The following GPR176 variants were observed in gnomAD, a reference collection of about 807,000 sequenced individuals.
GPR176 encodes G-protein coupled receptor 176.
GPR176 carries 26 observed loss-of-function variants against 35.4 expected under a neutral mutation model. The observed-to-expected ratio is 0.74, with a 90% CI of 0.54 to 1.02. The LOEUF is 1.02. Among genes scored for constraint, GPR176 ranks in the 50% least tolerant of loss-of-function variants. The pLI is 0.00. For synonymous variants in GPR176, 278 were observed against 271.3 expected (o/e 1.02, Z -0.24); for missense variants, 597 against 665.3 (o/e 0.90, Z 1.13).
At chr15:39,833,063 G>C (rs542278418) in intron 1 of GPR176, among the ~76,000 whole-genome samples, 1 of 152,254 alleles carries the variant, frequency 6.6e-6, no homozygotes, top group South Asian at 2.1e-4. Flanking sequence ...TGGGTTCCAA[G>C]GACTAGGGAA....
chr15:39,801,375 T>C lies in GPR176; in HGVS notation c.1305A>G (p.Ala435=), dbSNP rs766266099. 6.8e-6 allele frequency: 11 copies of C among 1,614,174 alleles called. No individual in the cohort carries two copies. The highest frequency in any genetic ancestry group is 9.3e-6 in the Non-Finnish European group (11 of 1,180,014). The change falls in exon 3 of 3, where the codon GCA becomes GCG. Residue 435 remains alanine, a synonymous_variant. Coordinates refer to ENST00000561100, the MANE Select transcript of GPR176 (RefSeq NM_007223.3). ...LSTVDSVSQV[A]PAAPVEPETF... is the part of the protein sequence containing the mutation. ...TTTCAGGTTCCACAGGGGCTGCCGG[T>C]GCCACCTGGGATACAGAGTCCACTG...
At chr15:39,861,461 A>G (rs1201655042) in intron 1 of GPR176, among the ~76,000 whole-genome samples, 6 of 151,980 alleles carry the variant, frequency 3.9e-5, no homozygotes, top group Admixed American at 3.9e-4. Flanking sequence ...AAGCAGGAGA[A>G]TCACTTGAAC....
intron 1 of GPR176, among the ~76,000 whole-genome samples, chr15:39,851,097 T>C (rs1283727275): frequency 6.6e-6 from 1 of 152,210 alleles, no homozygotes; most frequent in Non-Finnish European, 1.5e-5. Flanking sequence ...GTCAGACAGA[T>C]AATGCCATCA....
At chr15:39,855,036 G>A (rs1225378034) in intron 1 of GPR176, among the ~76,000 whole-genome samples, 1 of 147,174 alleles carries the variant, frequency 6.8e-6, no homozygotes, top group Admixed American at 6.9e-5. Context: ...GGGTAACAGA[G>A]TGAGACCCTG....
At chr15:39,880,624 C>T in intron 1 of GPR176, among the ~76,000 whole-genome samples, 1 of 152,056 alleles carries the variant, frequency 6.6e-6, no homozygotes. Flanking sequence ...TATTTTACCC[C>T]ACCTGCTTCT....
At chr15:39,809,398 G>A (rs901792571) in intron 1 of GPR176, among the ~76,000 whole-genome samples, 4 of 152,042 alleles carry the variant, frequency 2.6e-5, no homozygotes, top group Non-Finnish European at 4.4e-5. Flanking sequence ...GTGTGTGTGC[G>A]TGTGCATGTA....
chr15:39,826,406 G>GGAGTAAA (rs1900653175), intron 1 of GPR176, among the ~76,000 whole-genome samples: 1 of 152,108 alleles, frequency 6.6e-6, no homozygotes, highest in Non-Finnish European at 1.5e-5. Context: ...AGTAAAGACA[G>GGAGTAAA]GACCCCAGGG....
At chr15:39,813,257 T>C (rs1899687031) in intron 1 of GPR176, 1 of 152,218 alleles carries the variant, frequency 6.6e-6, no homozygotes. Context: ...TGGAGATCTT[T>C]ATTTCTTTGT....
chr15:39,873,463 G>A (rs1454406319), intron 1 of GPR176, among the ~76,000 whole-genome samples: 3 of 152,110 alleles, frequency 2.0e-5, no homozygotes, highest in Admixed American at 6.5e-5. Flanking sequence ...TGCGCAGGTA[G>A]GGATATCACA....
At chr15:39,857,436 G>T (rs1430395514) in intron 1 of GPR176, among the ~76,000 whole-genome samples, 2 of 152,200 alleles carry the variant, frequency 1.3e-5, no homozygotes, top group East Asian at 3.8e-4. Flanking sequence ...CAGCACTTTG[G>T]GAGGTTGAGG....
rs529792171 is a variant in GPR176 at position 39,914,628 on chromosome 15, A to G, written c.172+5227T>C. On this transcript the variant is annotated intron_variant, in intron 1 of 2. Transcript: ENST00000561100. Reference sequence around the variant, plus strand: ...CCTGGCCCAGGATACCTTATTCTTAACGTAGTCTGCTAGGTTTTTAGGCAT... The same window carrying G: ...CCTGGCCCAGGATACCTTATTCTTAGCGTAGTCTGCTAGGTTTTTAGGCAT... Among the ~76,000 whole-genome samples the G allele has an allele frequency of 5.0e-4, 76 of 152,198 alleles. 1 individual carries two copies. In the South Asian group the frequency reaches 0.015, roughly 30 times the overall value.
chr15:39,919,939 C>T lies in GPR176; in HGVS notation c.88G>A (p.Ala30Thr), dbSNP rs771986026. The change falls in exon 1 of 3, where the codon GCG (alanine) becomes ACG (threonine). Residue 30 changes from alanine (A) to threonine (T), a missense_variant. Coordinates refer to ENST00000561100, the MANE Select transcript of GPR176 (RefSeq NM_007223.3). The stretch of plus-strand genomic sequence containing the variant: ...TGCGCCTCGCCGAACTCCCCGAGCG[C>T]GCTGCGGTTCACACCCGCAGCCTCG... ...GAEAAGVNRS[A>T]LGEFGEAQLY... The T allele has an allele frequency of 2.0e-6, 3 of 1,516,308 alleles. No homozygotes were observed. The highest frequency in any genetic ancestry group is 1.4e-5 in the African/African-American group (1 of 69,910). The allele number at this position is 1,516,308 out of a possible 1,614,324, so 93.9% of individuals were successfully genotyped here. A position where few individuals can be genotyped will look rare whatever the true frequency, so the allele number is the denominator to read the frequency against.
intron 1 of GPR176, among the ~76,000 whole-genome samples, chr15:39,901,769 G>A (rs1338594974): frequency 6.6e-6 from 1 of 151,994 alleles, no homozygotes; most frequent in Non-Finnish European, 1.5e-5. Flanking sequence ...CACCTAGCAT[G>A]TTCATTAAAA....
intron 1 of GPR176, chr15:39,829,358 C>T: frequency 7.6e-7 from 1 of 1,316,958 alleles, no homozygotes; most frequent in Non-Finnish European, 9.7e-7. Context: ...AATGTGTGCG[C>T]AGGACACAAG....
At position 39,814,416 on chromosome 15, in the gene GPR176, C is replaced by T. The variant is rs529347639; in HGVS notation, c.173-7158G>A. ...CTCTTTTATTTAAAATTTGTATTTGCGTCTACTTCAAATGGCCTATTCTTT... is the reference window on the plus strand; with the variant it reads ...CTCTTTTATTTAAAATTTGTATTTGTGTCTACTTCAAATGGCCTATTCTTT... On this transcript the variant is annotated intron_variant, in intron 1 of 2. Transcript: ENST00000561100. Among the ~76,000 whole-genome samples the T allele has an allele frequency of 9.5e-4, 144 of 152,268 alleles. 1 individual carries two copies. The highest frequency in any genetic ancestry group is 3.2e-3 in the African/African-American group (135 of 41,552).
At chr15:39,894,300 G>A (rs865804627) in intron 1 of GPR176, among the ~76,000 whole-genome samples, 2,207 of 97,560 alleles carry the variant, frequency 0.023, 146 homozygotes, top group Non-Finnish European at 0.035. Context: ...GCGGCTGGCC[G>A]GGCGGGGGGC....
chr15:39,916,141 G>T (rs1358882534), intron 1 of GPR176, among the ~76,000 whole-genome samples: 6 of 152,132 alleles, frequency 3.9e-5, no homozygotes, highest in Non-Finnish European at 7.4e-5. Context: ...TGAATCTAAG[G>T]AGAAGGGGAA....
chr15:39,803,742 G>C (rs1010478008), intron 2 of GPR176, among the ~76,000 whole-genome samples: 2 of 152,144 alleles, frequency 1.3e-5, no homozygotes, highest in Admixed American at 6.5e-5. Context: ...ACTAGAGGCA[G>C]GCACAAAGGA....
intron 1 of GPR176, among the ~76,000 whole-genome samples, chr15:39,892,329 C>G (rs549700312): frequency 0.17 from 25,870 of 152,020 alleles, 3,551 homozygotes; most frequent in African/African-American, 0.36. Context: ...GGGAAGCCTA[C>G]TGTAATTACA....
Sources: gnomAD v4.1 joint callset for allele counts (sites outside exome capture counted in the v4.1 genomes callset) on GRCh38, gnomAD v4.1.1 for gene constraint, MANE v1.5 for transcripts, NCBI Gene and HGNC (gene_info 2026-07-23, HGNC 2026-07-21) for gene names.